The following MYO1D variants were observed in gnomAD, a reference collection of about 807,000 sequenced individuals.
MYO1D encodes myosin ID, also known as unconventional myosin-Id.
MYO1D carries 83 observed loss-of-function variants against 122.0 expected under a neutral mutation model. The observed-to-expected ratio is 0.68, with a 90% CI of 0.57 to 0.82. The LOEUF is 0.82. Ranked by LOEUF, MYO1D falls within the 40% of genes least tolerant of loss-of-function variation. The pLI, the probability that MYO1D is intolerant of heterozygous loss-of-function variation, is 0.00. For missense variants in MYO1D, 1,157 were observed against 1,269.5 expected (o/e 0.91, Z 1.35); for synonymous variants, 464 against 446.9 (o/e 1.04, Z -0.48).
intron 19 of MYO1D, among the ~76,000 whole-genome samples, chr17:32,645,132 T>G (rs1245017495): frequency 6.6e-6 from 1 of 152,242 alleles, no homozygotes; most frequent in Admixed American, 6.5e-5. Context: ...TCTCAGCATT[T>G]GCTTGTCTGT....
intron 1 of MYO1D, among the ~76,000 whole-genome samples, chr17:32,842,405 A>T (rs1160548432): frequency 6.6e-6 from 1 of 152,134 alleles, no homozygotes; most frequent in Non-Finnish European, 1.5e-5. Flanking sequence ...GACTCTTAGG[A>T]GTTGGCTGCA....
At chr17:32,723,740 T>C (rs1032163932) in intron 14 of MYO1D, among the ~76,000 whole-genome samples, 1 of 152,130 alleles carries the variant, frequency 6.6e-6, no homozygotes, top group Non-Finnish European at 1.5e-5. Context: ...TTGAGTGAGC[T>C]CATCTTAGCC....
chr17:32,805,335 T>C (rs2090501513), intron 1 of MYO1D, among the ~76,000 whole-genome samples: 1 of 152,216 alleles, frequency 6.6e-6, no homozygotes, highest in African/African-American at 2.4e-5. Flanking sequence ...AAGTACATTA[T>C]TTATTTTTAA....
intron 19 of MYO1D, among the ~76,000 whole-genome samples, chr17:32,642,768 T>G (rs1367330162): frequency 6.6e-6 from 1 of 152,232 alleles, no homozygotes; most frequent in Admixed American, 6.5e-5. Context: ...TTTTGAAGAC[T>G]GATTTTGCAT....
At chr17:32,779,895 C>G (rs1348434459) in intron 2 of MYO1D, among the ~76,000 whole-genome samples, 1 of 152,182 alleles carries the variant, frequency 6.6e-6, no homozygotes, top group African/African-American at 2.4e-5. Context: ...CATAAAACCA[C>G]CAGTGCAAAT....
intron 1 of MYO1D, among the ~76,000 whole-genome samples, chr17:32,781,193 A>G (rs1352820043): frequency 6.6e-6 from 1 of 152,228 alleles, no homozygotes; most frequent in African/African-American, 2.4e-5. Flanking sequence ...TGTCATATAC[A>G]TTTATTTTTT....
At position 32,494,550 on chromosome 17, in the gene MYO1D, G is replaced by A; in HGVS notation, c.*209C>T. 2 of 647,472 alleles carry A rather than the reference G, an allele frequency of 3.1e-6. No individual in the cohort carries two copies. The highest frequency in any genetic ancestry group is 6.2e-5 in the Admixed American group (2 of 32,202). 40.1% of individuals were successfully genotyped at this position (647,472 alleles called of 1,614,324 possible). ...GTCTGGGCGGGGCACCAGGGTCTTT[G>A]GCTTATTGAACAGGGACCGTGGACA... is the stretch of plus-strand genomic sequence containing the variant. On this transcript the variant is annotated 3_prime_UTR_variant, in exon 22 of 22. Coordinates refer to ENST00000318217, the MANE Select transcript of MYO1D (RefSeq NM_015194.3).
chr17:32,605,243 T>C lies in MYO1D; in HGVS notation c.2710-2A>G. 6.5e-7 allele frequency: 1 copy of C among 1,541,660 alleles called. No homozygotes were observed. Among genetic ancestry groups the C allele is most frequent in the Non-Finnish European group, 8.8e-7 (1 of 1,132,666 alleles). ...ATTGGAGACACTCAGACCAGTCAAC[T>C]GCAAAGAGAAAATGCATGGAAAACT... On this transcript the variant is annotated splice_acceptor_variant, in intron 20 of 21. Transcript: ENST00000318217. LOFTEE classifies it high-confidence loss of function.
intron 21 of MYO1D, among the ~76,000 whole-genome samples, chr17:32,586,696 A>G (rs1319303443): frequency 1.3e-5 from 2 of 152,174 alleles, no homozygotes; most frequent in East Asian, 1.9e-4. Flanking sequence ...TTTGCTGAAA[A>G]TTTATGTCAG....
chr17:32,543,432 C>T (rs567183147), intron 21 of MYO1D, among the ~76,000 whole-genome samples: 7 of 149,658 alleles, frequency 4.7e-5, no homozygotes, highest in South Asian at 2.1e-4. Flanking sequence ...AAAAATTAGT[C>T]GGGCGTGGTG....
chr17:32,747,168 AATTTTG>A (rs1156442863), intron 12 of MYO1D, among the ~76,000 whole-genome samples: 2 of 152,192 alleles, frequency 1.3e-5, no homozygotes, highest in African/African-American at 4.8e-5. Flanking sequence ...ATGGTCCTAG[AATTTTG>A]ATTTAAATCA....
At chr17:32,497,448 C>A (rs1909161446) in intron 21 of MYO1D, among the ~76,000 whole-genome samples, 1 of 152,112 alleles carries the variant, frequency 6.6e-6, no homozygotes, top group African/African-American at 2.4e-5. Flanking sequence ...CAGAGTGAGA[C>A]CTTGTCTCTA....
intron 19 of MYO1D, 44 bp from the exon 20 acceptor site, chr17:32,638,879 G>A (rs774443808): frequency 1.1e-4 from 152 of 1,356,332 alleles, no homozygotes; most frequent in Non-Finnish European, 1.5e-4. Flanking sequence ...TCATCAATAA[G>A]GAAATCAAGT....
intron 1 of MYO1D, among the ~76,000 whole-genome samples, chr17:32,850,102 CAGT>C (rs2090973210): frequency 6.6e-6 from 1 of 152,212 alleles, no homozygotes; most frequent in Non-Finnish European, 1.5e-5. Context: ...TAAAAATCAT[CAGT>C]CTTACTGCAA....
At chr17:32,515,493 T>G (rs1022981262) in intron 21 of MYO1D, among the ~76,000 whole-genome samples, 4 of 152,202 alleles carry the variant, frequency 2.6e-5, no homozygotes, top group African/African-American at 9.7e-5. Flanking sequence ...GGTCTCGCTT[T>G]GTTGCCCAGG....
At chr17:32,631,102 A>G (rs1689826) in intron 20 of MYO1D, among the ~76,000 whole-genome samples, 36,912 of 152,076 alleles carry the variant, frequency 0.24, 4,997 homozygotes, top group East Asian at 0.37. Flanking sequence ...TTGGACTCTG[A>G]TATATAAATT....
At chr17:32,645,387 T>C (rs1187790986) in intron 19 of MYO1D, among the ~76,000 whole-genome samples, 1 of 152,084 alleles carries the variant, frequency 6.6e-6, no homozygotes, top group Non-Finnish European at 1.5e-5. Context: ...TGTCTTGGAG[T>C]TGCTCTTCTC....
intron 20 of MYO1D, among the ~76,000 whole-genome samples, chr17:32,636,031 T>G (rs114687516): frequency 0.014 from 2,058 of 152,158 alleles, 53 homozygotes; most frequent in African/African-American, 0.047. Flanking sequence ...ATAAAGAAAT[T>G]TCCTTTTTAT....
chr17:32,740,477 T>G (rs1263898659), intron 13 of MYO1D, among the ~76,000 whole-genome samples: 2 of 152,152 alleles, frequency 1.3e-5, no homozygotes, highest in African/African-American at 4.8e-5. Context: ...AAGTCATGAC[T>G]GTAATATTTT....
Sources: allele counts gnomAD v4.1 joint callset (sites outside exome capture counted in the v4.1 genomes callset), GRCh38; gene constraint gnomAD v4.1.1; transcripts MANE v1.5; gene names NCBI Gene and HGNC (gene_info 2026-07-23, HGNC 2026-07-21).